DOP1A: variants seen among roughly 807,000 people sequenced by gnomAD.
DOP1A encodes the protein protein DOP1A.
A neutral mutation model predicts 267.6 loss-of-function variants in DOP1A; 90 were observed. The ratio of observed to expected loss-of-function variants is 0.34; its 90% CI spans 0.28 to 0.40. DOP1A has a LOEUF of 0.40. DOP1A is among the 10% of genes least tolerant of loss of function. The probability of loss-of-function intolerance (pLI) is 1.00; values close to 1 mark genes in which losing one functional copy is unlikely to be tolerated. For synonymous variants in DOP1A, 932 were observed against 999.1 expected, an observed-to-expected ratio of 0.93 and a Z score of 1.27; for missense variants, 2,437 against 2,900.4, an observed-to-expected ratio of 0.84 and a Z score of 3.67.
At chr6:83,150,902 T>C (rs968835658) in intron 27 of DOP1A, among the ~76,000 whole-genome samples, 4 of 152,186 alleles carry the variant, frequency 2.6e-5, no homozygotes, top group Admixed American at 6.5e-5. Flanking sequence ...CATACCACTA[T>C]ATCATTACAA....
At chr6:83,135,980 C>T in intron 20 of DOP1A, 102 bp downstream of exon 20, 1 of 1,354,086 alleles carries the variant, frequency 7.4e-7, no homozygotes, top group African/African-American at 1.5e-5. Context: ...GTGAGATTTT[C>T]TCCATGGGCT....
At chr6:83,090,366 C>A (rs1770120569) in intron 1 of DOP1A, among the ~76,000 whole-genome samples, 1 of 152,158 alleles carries the variant, frequency 6.6e-6, no homozygotes, top group South Asian at 2.1e-4. Context: ...AACCCCTGTT[C>A]TTGGAGGCCC....
rs1355896652 is a variant in DOP1A, at chr6:83,129,105, T to G, written c.1938T>G (p.Ser646=). ...CAGAAACAGCATCCACTGTGGGATC[T>G]GAAGAAACCATCATCCAGACCCCTT... ...SETETASTVG[S]EETIIQTPSV... Residue 646 remains serine (S), a synonymous_variant, in exon 16 of 39, where the codon TCT becomes TCG. Coordinates refer to ENST00000349129, the MANE Select transcript of DOP1A (RefSeq NM_015018.4). 18 of 1,614,054 alleles carry G rather than the reference T, an allele frequency of 1.1e-5. No individual in the cohort carries two copies. Among genetic ancestry groups the G allele is most frequent in the Non-Finnish European group, 1.4e-5 (17 of 1,179,972 alleles).
chr6:83,104,106 A>G (rs1204261167), intron 4 of DOP1A, among the ~76,000 whole-genome samples: 2 of 152,144 alleles, frequency 1.3e-5, no homozygotes, highest in Non-Finnish European at 2.9e-5. Flanking sequence ...TGCTTGGTAT[A>G]TTGCTGCTAG....
intron 1 of DOP1A, among the ~76,000 whole-genome samples, chr6:83,079,969 T>C (rs187815688): frequency 6.6e-6 from 1 of 152,196 alleles, no homozygotes; most frequent in Non-Finnish European, 1.5e-5. Context: ...TCTCATGTCT[T>C]ACCTTCTGCT....
intron 18 of DOP1A, 53 bp from the exon 19 acceptor site, chr6:83,134,134 A>G: frequency 3.4e-6 from 5 of 1,484,030 alleles, no homozygotes; most frequent in South Asian, 1.2e-5. Context: ...TACTAAAATC[A>G]TAGTATCTTC....
chr6:83,125,382 C>CA (rs1583024803), intron 14 of DOP1A, 118 bp from the exon 15 acceptor site: 4 of 1,032,852 alleles, frequency 3.9e-6, no homozygotes, highest in African/African-American at 1.6e-5. Flanking sequence ...TAATTAAGAG[C>CA]ATGATGCATA....
Position 83,128,935 on chromosome 6 carries a change from G to C in DOP1A, c.1768G>C (p.Glu590Gln). The change falls in exon 16 of 39, where the codon GAA becomes CAA. Residue 590 changes from glutamate to glutamine, a missense_variant. Transcript: ENST00000349129. ...TCCTACTGAAGTGTTTGAAGATGGAGAAAATCCACCAAGTAGTCGATCATC... is the reference window on the plus strand; with the variant it reads ...TCCTACTGAAGTGTTTGAAGATGGACAAAATCCACCAAGTAGTCGATCATC... ...ENPTEVFEDG[E>Q]NPPSSRSSES... is the part of the protein sequence containing the mutation. 1.3e-6 allele frequency: 2 copies of C among 1,557,900 alleles called. No individual in the cohort carries two copies. Among genetic ancestry groups the C allele is most frequent in the Non-Finnish European group, 1.7e-6 (2 of 1,152,110 alleles).
chr6:83,105,256 A>G (rs998722162), intron 4 of DOP1A, among the ~76,000 whole-genome samples: 6 of 152,116 alleles, frequency 3.9e-5, no homozygotes, highest in African/African-American at 1.4e-4. Flanking sequence ...TGAATAAAGA[A>G]ACGCTATTTG....
rs188510310 is a variant in DOP1A at position 83,139,373 on chromosome 6, C to G, written c.5120+211C>G. On this transcript the variant is annotated intron_variant, in intron 21 of 38. Transcript: ENST00000349129. The stretch of plus-strand genomic sequence containing the variant: ...ATGGAAAAGGGAAGGAATATTTAAA[C>G]AGGCTTATTTTCTACCAAGATCTAA... Among the ~76,000 whole-genome samples, 202 of 152,214 alleles carry G rather than the reference C, an allele frequency of 1.3e-3. 2 individuals carry two copies. Among genetic ancestry groups the G allele is most frequent in the African/African-American group, 4.7e-3 (197 of 41,562 alleles).
intron 23 of DOP1A, 93 bp from the exon 24 acceptor site, chr6:83,141,828 A>G (rs1779698222): frequency 7.7e-7 from 1 of 1,302,632 alleles, no homozygotes; most frequent in Non-Finnish European, 1.0e-6. Context: ...TATAAGTACT[A>G]TATTATTTCA....
At chr6:83,167,749 A>T (rs1284986011) in intron 38 of DOP1A, 113 bp from the exon 39 acceptor site, 2 of 1,449,048 alleles carry the variant, frequency 1.4e-6, no homozygotes, top group African/African-American at 1.4e-5. Flanking sequence ...TAGAAACTTA[A>T]TGTCATTTGT....
At chr6:83,147,323 A>G (rs1312383228) in intron 26 of DOP1A, 32 bp downstream of exon 26, 8 of 1,197,466 alleles carry the variant, frequency 6.7e-6, no homozygotes, top group Admixed American at 2.4e-5. Context: ...TGTCCTTACT[A>G]TGTTGCTAGA....
intron 24 of DOP1A, among the ~76,000 whole-genome samples, chr6:83,143,466 G>C (rs116426559): frequency 0.011 from 1,605 of 152,278 alleles, 36 homozygotes; most frequent in African/African-American, 0.035. Flanking sequence ...TCTCTAATGT[G>C]ATAGACAGAC....
intron 18 of DOP1A, among the ~76,000 whole-genome samples, 171 bp from the exon 19 acceptor site, chr6:83,134,016 T>G (rs1368401821): frequency 6.6e-6 from 1 of 152,138 alleles, no homozygotes. Flanking sequence ...TTACATATTT[T>G]CTGTGTTTCT....
intron 1 of DOP1A, among the ~76,000 whole-genome samples, chr6:83,074,425 A>T (rs1229718782): frequency 6.6e-6 from 1 of 152,166 alleles, no homozygotes; most frequent in Non-Finnish European, 1.5e-5. Context: ...CATAATTCAC[A>T]TGATTTTAAA....
chr6:83,147,245 T>G lies in DOP1A; in HGVS notation c.5686T>G (p.Ser1896Ala), dbSNP rs780150802. Residue 1896 changes from serine (S) to alanine (A), a missense_variant, in exon 26 of 39, where the codon TCT (serine) becomes GCT (alanine). By Grantham distance (99) the Ser-to-Ala change is moderately conservative. Transcript: ENST00000349129. Reference sequence around the variant, plus strand: ...TTTCTTTTATTTATAGAAACATCTTTCTTTGGAAGTCTGCATGCTTCAGTT... The same window carrying G: ...TTTCTTTTATTTATAGAAACATCTTGCTTTGGAAGTCTGCATGCTTCAGTT... ...PAIAKDKKHL[S>A]LEVCMLQFFY... is the part of the protein sequence containing the mutation. The G allele has an allele frequency of 2.7e-6, 4 of 1,470,626 alleles. No homozygotes were observed. In the South Asian group the frequency reaches 5.4e-5, roughly 20 times the overall value. The allele number at this position is 1,470,626 out of a possible 1,614,324, so 91.1% of individuals were successfully genotyped here.
intron 36 of DOP1A, 73 bp downstream of exon 36, chr6:83,158,695 C>A: frequency 9.9e-7 from 1 of 1,009,572 alleles, no homozygotes; most frequent in Non-Finnish European, 1.5e-6. Flanking sequence ...TACTCAGCAT[C>A]TAGGAGAATA....
chr6:83,078,039 G>T (rs2128005178), intron 1 of DOP1A, among the ~76,000 whole-genome samples: 1 of 152,288 alleles, frequency 6.6e-6, no homozygotes, highest in African/African-American at 2.4e-5. Flanking sequence ...ATCATGCAGA[G>T]ACATAGCATT....
Sources: allele counts gnomAD v4.1 joint callset (sites outside exome capture counted in the v4.1 genomes callset), GRCh38; gene constraint gnomAD v4.1.1; transcripts MANE v1.5; gene names NCBI Gene and HGNC (gene_info 2026-07-23, HGNC 2026-07-21).